Variants in SPATA20 observed in about 807,000 individuals in gnomAD.
SPATA20 encodes the protein spermatogenesis-associated protein 20.
A neutral mutation model predicts 98.9 loss-of-function variants in SPATA20; 74 were observed. That is an observed-to-expected ratio of 0.75 (90% CI 0.62 to 0.91). The LOEUF (loss-of-function observed/expected upper bound fraction) is 0.91, where lower values mean the gene tolerates loss of function less well. SPATA20 is among the 40% of genes least tolerant of loss of function. The probability of loss-of-function intolerance (pLI) is 0.00; values close to 1 mark genes in which losing one functional copy is unlikely to be tolerated. For synonymous variants in SPATA20, 430 were observed against 440.5 expected, an observed-to-expected ratio of 0.98 and a Z score of 0.30; for missense variants, 1,016 against 1,069.8, an observed-to-expected ratio of 0.95 and a Z score of 0.70.
In SPATA20 at chr17:50,554,277, A is replaced by G. The variant is rs1292676520; in HGVS notation, c.1984A>G (p.Asn662Asp). Residue 662 changes from asparagine (N) to aspartate (D), a missense_variant, in exon 15 of 17, where the codon AAT becomes GAT. Transcript: ENST00000006658. ...DDQDGAEPSA[N>D]SVSAHNLLRL... Reference sequence around the variant, plus strand: ...CCAGGATGGAGCAGAGCCCAGCGCCAATTCCGTGTCAGCCCACAACCTGCT... The same window carrying G: ...CCAGGATGGAGCAGAGCCCAGCGCCGATTCCGTGTCAGCCCACAACCTGCT... 1 of 1,614,142 alleles carries G rather than the reference A, an allele frequency of 6.2e-7. No homozygotes were observed. The highest frequency in any genetic ancestry group is 1.7e-5 in the Admixed American group (1 of 60,036).
At chr17:50,547,439 T>G in intron 1 of SPATA20, 154 bp downstream of exon 1, 1 of 662,032 alleles carries the variant, frequency 1.5e-6, no homozygotes, top group East Asian at 2.7e-5. Context: ...TCCTGAGACC[T>G]GGCTCTGGCT....
rs754818434 is a variant in SPATA20, at chr17:50,551,021, C to T, written c.1407C>T (p.Gly469=). The T allele has an allele frequency of 9.6e-5, 155 of 1,613,258 alleles. No homozygotes were observed. Among genetic ancestry groups the T allele is most frequent in the Non-Finnish European group, 1.3e-4 (155 of 1,180,004 alleles). The change falls in exon 12 of 17, where the codon GGC becomes GGT. Residue 469 remains glycine, a synonymous_variant. Coordinates refer to ENST00000006658, the MANE Select transcript of SPATA20 (RefSeq NM_022827.4). ...AGGACCCCAAGGGGGAGCTGCAGGG[C>T]CAGAATGTGCTGACCGTCCGGTACT... ...PSQDPKGELQ[G]QNVLTVRYSL...
In SPATA20 at chr17:50,548,631, C is replaced by T; in HGVS notation, c.361+13C>T. 6.2e-7 allele frequency: 1 copy of T among 1,612,002 alleles called. No homozygotes were observed. Among genetic ancestry groups the T allele is most frequent in the Non-Finnish European group, 8.5e-7 (1 of 1,179,468 alleles). ...ATTTTCCTCTCAGGTAATGCTCCCA[C>T]CTTCCCTGATGTGGGGGTGTGGGCA... On this transcript the variant is annotated intron_variant, in intron 4 of 16. Transcript: ENST00000006658.
intron 9 of SPATA20, 111 bp downstream of exon 9, chr17:50,550,423 G>A (rs912317758): frequency 8.0e-6 from 11 of 1,367,498 alleles, no homozygotes; most frequent in Middle Eastern, 1.8e-4. Flanking sequence ...TCCCTCCCAT[G>A]TACCCACTAC....
chr17:50,552,588 G>A (rs1485548528), intron 14 of SPATA20, among the ~76,000 whole-genome samples: 1 of 121,934 alleles, frequency 8.2e-6, no homozygotes, highest in African/African-American at 3.0e-5. Flanking sequence ...TTTTGAGACA[G>A]GGTCTCACTG....
At position 50,548,828 on chromosome 17, in the gene SPATA20, A is replaced by G. The variant is rs1206761724; in HGVS notation, c.380A>G (p.His127Arg). The G allele has an allele frequency of 1.9e-6, 3 of 1,613,728 alleles. No homozygotes were observed. The highest frequency in any genetic ancestry group is 2.5e-6 in the Non-Finnish European group (3 of 1,179,786). ...IFLSVGYSTC[H>R]WCHMMEEESF... ...TGTTCAGTCGGGTACTCCACCTGCCACTGGTGCCACATGATGGAAGAGGAG... is the reference window on the plus strand; with the variant it reads ...TGTTCAGTCGGGTACTCCACCTGCCGCTGGTGCCACATGATGGAAGAGGAG... The change falls in exon 5 of 17, where the codon CAC (histidine) becomes CGC (arginine). Residue 127 changes from histidine (H) to arginine (R), a missense_variant. By Grantham distance (29) the His-to-Arg change is conservative. Transcript: ENST00000006658.
In SPATA20 at chr17:50,550,553, C is replaced by T; in HGVS notation, c.1116C>T (p.Phe372=). The T allele has an allele frequency of 3.1e-6, 5 of 1,614,126 alleles. No homozygotes were observed. The highest frequency in any genetic ancestry group is 4.2e-6 in the Non-Finnish European group (5 of 1,179,992). The change falls in exon 10 of 17, where the codon TTC becomes TTT. Residue 372 remains phenylalanine, a synonymous_variant. Transcript: ENST00000006658. ...TTTCTTAGCTCTCTGGTGATGAATT[C>T]TACTCTGACGTGGCCAAAGGCATCC... ...SQAFQLSGDE[F]YSDVAKGILQ...
intron 4 of SPATA20, 91 bp from the exon 5 acceptor site, chr17:50,548,719 C>T: frequency 6.3e-7 from 1 of 1,587,098 alleles, no homozygotes; most frequent in Non-Finnish European, 8.6e-7. Context: ...AGACTAGAGG[C>T]CAGGACGTCT....
chr17:50,552,020 C>A lies in SPATA20; in HGVS notation c.1797C>A (p.Gly599=), dbSNP rs1001532629. 3 of 1,613,138 alleles carry A rather than the reference C, an allele frequency of 1.9e-6. No homozygotes were observed. In the African/African-American group the frequency reaches 4.0e-5, roughly 22 times the overall value. Residue 599 remains glycine (G), a synonymous_variant, in exon 14 of 17, where the codon GGC becomes GGA. Transcript: ENST00000006658. ...FLEDYAFVVR[G]LLDLYEASQE... is the part of the protein sequence containing the mutation. ...AGGACTACGCCTTCGTGGTGCGGGG[C>A]CTGCTGGACCTGTATGAGGCCTCAC... is the stretch of plus-strand genomic sequence containing the variant.
At chr17:50,547,526 C>G in intron 1 of SPATA20, 194 bp from the exon 2 acceptor site, 2 of 672,362 alleles carry the variant, frequency 3.0e-6, no homozygotes, top group Non-Finnish European at 5.4e-6. Flanking sequence ...GTGCCAGCTC[C>G]TCAGGGACTG....
chr17:50,553,135 T>A (rs1029487359), intron 14 of SPATA20, among the ~76,000 whole-genome samples: 1 of 152,260 alleles, frequency 6.6e-6, no homozygotes, highest in Non-Finnish European at 1.5e-5. Flanking sequence ...GCCTGCTCCC[T>A]ATCACCCATG....
rs1272830393 is a variant in SPATA20 at position 50,555,663 on chromosome 17, C to T, written c.*1C>T. The T allele has an allele frequency of 1.2e-6, 2 of 1,613,420 alleles. No homozygotes were observed. The highest frequency in any genetic ancestry group is 1.7e-6 in the Non-Finnish European group (2 of 1,179,770). Reference sequence around the variant, plus strand: ...ATTACGAAAACTACTACATCCATGACTGCCCCAACCCCCTTGGGGTGGGGC... The same window carrying T: ...ATTACGAAAACTACTACATCCATGATTGCCCCAACCCCCTTGGGGTGGGGC... On this transcript the variant is annotated 3_prime_UTR_variant, in exon 17 of 17. Transcript: ENST00000006658.
chr17:50,549,076 G>A lies in SPATA20; in HGVS notation c.550G>A (p.Val184Met), dbSNP rs991217209. The A allele has an allele frequency of 3.7e-6, 6 of 1,613,642 alleles. No homozygotes were observed. The highest frequency in any genetic ancestry group is 5.1e-6 in the Non-Finnish European group (6 of 1,179,984). ...TSSGGGWPMNVWLTPNLQPFV... is the reference protein window; with the variant it reads ...TSSGGGWPMNMWLTPNLQPFV... ...CAGCGGCGGGGGCTGGCCCATGAATGTGTGGCTGACTCCCAACCTCCAGCC... is the reference window on the plus strand; with the variant it reads ...CAGCGGCGGGGGCTGGCCCATGAATATGTGGCTGACTCCCAACCTCCAGCC... The change falls in exon 6 of 17, where the codon GTG (valine) becomes ATG (methionine). Residue 184 changes from valine to methionine, a missense_variant. Val to Met is a conservative substitution (Grantham distance 21). Transcript: ENST00000006658.
chr17:50,549,981 A>C lies in SPATA20; in HGVS notation c.863-4A>C. The C allele has an allele frequency of 1.3e-6, 2 of 1,538,988 alleles. No individual in the cohort carries two copies. The highest frequency in any genetic ancestry group is 1.8e-6 in the Non-Finnish European group (2 of 1,137,688). ...TCACCTGCATGTTCTTGGTGCCCCC[A>C]CAGTGATCCTGAGCTTCCTGTTCTC... On this transcript the variant is annotated splice_polypyrimidine_tract_variant and splice_region_variant and intron_variant, in intron 7 of 16. Transcript: ENST00000006658.
chr17:50,551,373 C>T, intron 12 of SPATA20, 138 bp from the exon 13 acceptor site: 7 of 1,248,780 alleles, frequency 5.6e-6, no homozygotes, highest in Non-Finnish European at 7.7e-6. Flanking sequence ...GGGAACCCCG[C>T]CATGTCTGGC....
In SPATA20 at chr17:50,548,407, G is replaced by A. The variant is rs142724091; in HGVS notation, c.250G>A (p.Glu84Lys). ...PQRVPNRLIH[E>K]KSPYLLQHAY... The stretch of plus-strand genomic sequence containing the variant: ...GAGGGTCCCCAACCGCCTGATCCAC[G>A]AGAAGTCACCATACCTCCTACAACA... The change falls in exon 3 of 17, where the codon GAG becomes AAG. Residue 84 changes from glutamate to lysine, a missense_variant. Physicochemically the swap from Glu to Lys is moderately conservative, Grantham distance 56. Transcript: ENST00000006658. 1.5e-5 allele frequency: 24 copies of A among 1,614,024 alleles called. No individual in the cohort carries two copies. Among genetic ancestry groups the A allele is most frequent in the Middle Eastern group, 3.3e-4 (2 of 6,060 alleles).
Position 50,555,315 on chromosome 17 carries a change from A to T in SPATA20, c.2238+3A>T. On this transcript the variant is annotated splice_donor_region_variant and intron_variant, in intron 16 of 16. Transcript: ENST00000006658. ...ACTCTGTCTACATTCCTAACAAGGT[A>T]CCCATCCCTGTGAGCCCAATCTGCC... 6.2e-7 allele frequency: 1 copy of T among 1,613,540 alleles called. No homozygotes were observed. Among genetic ancestry groups the T allele is most frequent in the Non-Finnish European group, 8.5e-7 (1 of 1,179,652 alleles).
Position 50,550,983 on chromosome 17 carries a change from G to T in SPATA20, c.1384-15G>T. The T allele has an allele frequency of 1.9e-6, 3 of 1,612,900 alleles. No individual in the cohort carries two copies. Among genetic ancestry groups the T allele is most frequent in the African/African-American group, 1.3e-5 (1 of 75,066 alleles). On this transcript the variant is annotated splice_polypyrimidine_tract_variant and intron_variant, in intron 11 of 16. Transcript: ENST00000006658. ...CCAGGCGTGTGAGCTCGCAGACAAA[G>T]GCCATTCTCCTCAGGACCCCAAGGG...
chr17:50,550,831 T>C lies in SPATA20; in HGVS notation c.1297T>C (p.Leu433=). ...EVQQLLPEPV[L]GATEPLTSGQ... ...TCAGCAGCTCCTCCCGGAGCCTGTG[T>C]TGGGTGCCACCGAGCCGCTGACCTC... Residue 433 remains leucine (L), a synonymous_variant, in exon 11 of 17, where the codon TTG becomes CTG. Transcript: ENST00000006658. 2 of 1,613,006 alleles carry C rather than the reference T, an allele frequency of 1.2e-6. No homozygotes were observed. Among genetic ancestry groups the C allele is most frequent in the Non-Finnish European group, 8.5e-7 (1 of 1,180,028 alleles).
Sources: gnomAD v4.1 joint callset for allele counts (sites outside exome capture counted in the v4.1 genomes callset) on GRCh38, gnomAD v4.1.1 for gene constraint, MANE v1.5 for transcripts, NCBI Gene and HGNC (gene_info 2026-07-23, HGNC 2026-07-21) for gene names.